The following RYR2 variants were observed in gnomAD, a reference collection of about 807,000 sequenced individuals.
The protein encoded by RYR2 is ryanodine receptor 2.
Under a neutral mutation model 601.1 loss-of-function variants are expected in RYR2, and 227 were observed. That is an observed-to-expected ratio of 0.38 (90% CI 0.34 to 0.42). The LOEUF is 0.42. RYR2 is among the 10% of genes least tolerant of loss of function. The pLI, the probability that RYR2 is intolerant of heterozygous loss-of-function variation, is 1.00. For missense variants in RYR2, 4,646 were observed against 6,156.5 expected, an observed-to-expected ratio of 0.75 and a Z score of 8.21; for synonymous variants, 2,223 against 2,175.1, an observed-to-expected ratio of 1.02 and a Z score of -0.61.
At chr1:237,405,577 CAG>C (rs1703783122) in intron 10 of RYR2, among the ~76,000 whole-genome samples, 1 of 152,110 alleles carries the variant, frequency 6.6e-6, no homozygotes, top group African/African-American at 2.4e-5. Context: ...TTAATTCCAT[CAG>C]AGATGTTTTC....
At chr1:237,657,154 C>T (rs1418007055) in intron 53 of RYR2, among the ~76,000 whole-genome samples, 1 of 152,160 alleles carries the variant, frequency 6.6e-6, no homozygotes, top group Non-Finnish European at 1.5e-5. Flanking sequence ...GTGGTGATAT[C>T]AGTGATTTCT....
intron 98 of RYR2, among the ~76,000 whole-genome samples, chr1:237,805,838 T>C (rs893163042): frequency 6.6e-6 from 1 of 152,126 alleles, no homozygotes; most frequent in Non-Finnish European, 1.5e-5. Context: ...CTATATATTA[T>C]TGTGACCTGC....
chr1:237,455,631 A>C (rs964554709), intron 15 of RYR2, among the ~76,000 whole-genome samples: 1 of 152,230 alleles, frequency 6.6e-6, no homozygotes, highest in African/African-American at 2.4e-5. Flanking sequence ...GGTTATTACT[A>C]GGTTCTCATA....
At chr1:237,216,605 T>G (rs1683180293) in intron 1 of RYR2, among the ~76,000 whole-genome samples, 1 of 151,256 alleles carries the variant, frequency 6.6e-6, no homozygotes, top group Admixed American at 6.6e-5. Flanking sequence ...CCGGGCATGG[T>G]GGGCACCTGT....
Position 237,773,147 on chromosome 1 carries a change from A to G in RYR2, c.11647-373A>G, listed in dbSNP as rs141384469. On this transcript the variant is annotated intron_variant, in intron 86 of 104. Coordinates refer to ENST00000366574, the MANE Select transcript of RYR2 (RefSeq NM_001035.3). ...ATGGAGGCCAGATGTCGGTACCCCA[A>G]AAAAGATTGTTCCATGATTCATCTA... Among the ~76,000 whole-genome samples the G allele has an allele frequency of 2.7e-3, 416 of 152,292 alleles. 2 individuals are homozygous for G. The highest frequency in any genetic ancestry group is 0.02 in the Middle Eastern group (6 of 294).
At chr1:237,589,722 T>C (rs1674936378) in intron 29 of RYR2, 71 bp from the exon 30 acceptor site, 1 of 1,455,420 alleles carries the variant, frequency 6.9e-7, no homozygotes. Context: ...TGGAACAATA[T>C]GTTTGATAAT....
rs762544429 is a variant in RYR2, at chr1:237,471,737, A to C, written c.1708+2550A>C. Among the ~76,000 whole-genome samples, 309 of 152,230 alleles carry C rather than the reference A, an allele frequency of 2.0e-3. 2 individuals are homozygous for C. The highest frequency in any genetic ancestry group is 3.3e-3 in the Non-Finnish European group (227 of 68,032). ...TTTTGTCAGTTACAGGCACAGTTTC[A>C]TCAGATACAAATTATTATTTGCTGT... On this transcript the variant is annotated intron_variant, in intron 17 of 104. Coordinates refer to ENST00000366574, the MANE Select transcript of RYR2 (RefSeq NM_001035.3).
chr1:237,137,252 G>T (rs143973249), intron 1 of RYR2, among the ~76,000 whole-genome samples: 22 of 152,264 alleles, frequency 1.4e-4, no homozygotes, highest in Non-Finnish European at 1.9e-4. Context: ...CTGGGTCAGT[G>T]ACAGTGGGGC....
At position 237,759,903 on chromosome 1, in the gene RYR2, C is replaced by T. The variant is rs1050182600; in HGVS notation, c.11402+51C>T. On this transcript the variant is annotated intron_variant, in intron 83 of 104. Transcript: ENST00000366574. ...GTTCTACTCAGTGGTTGTATTTTTTCGAAGCATTTGTTTCTTACTCTGACG... is the reference window on the plus strand; with the variant it reads ...GTTCTACTCAGTGGTTGTATTTTTTTGAAGCATTTGTTTCTTACTCTGACG... 16 of 1,185,864 alleles carry T rather than the reference C, an allele frequency of 1.3e-5. No individual in the cohort carries two copies. In the East Asian group the frequency reaches 1.6e-4, roughly 12 times the overall value. 73.5% of individuals were successfully genotyped at this position (1,185,864 alleles called of 1,614,324 possible).
intron 20 of RYR2, among the ~76,000 whole-genome samples, chr1:237,498,443 T>A (rs1418369240): frequency 1.3e-5 from 2 of 152,124 alleles, no homozygotes; most frequent in Non-Finnish European, 2.9e-5. Flanking sequence ...TTATAAAACA[T>A]TTGAACTATA....
chr1:237,795,517 T>C (rs1659002953), intron 96 of RYR2, among the ~76,000 whole-genome samples, 186 bp downstream of exon 96: 1 of 152,054 alleles, frequency 6.6e-6, no homozygotes, highest in Admixed American at 6.6e-5. Flanking sequence ...AGTAGCGCGA[T>C]CTCAGCTCAC....
intron 23 of RYR2, among the ~76,000 whole-genome samples, chr1:237,508,453 T>G (rs1320055955): frequency 7.5e-6 from 1 of 132,834 alleles, no homozygotes; most frequent in Non-Finnish European, 1.7e-5. Flanking sequence ...TTTAAAAAGT[T>G]CCCATTAAAA....
intron 16 of RYR2, among the ~76,000 whole-genome samples, chr1:237,458,043 A>G (rs973817601): frequency 3.3e-5 from 5 of 152,116 alleles, no homozygotes; most frequent in Admixed American, 3.3e-4. Context: ...TGAACTTTCC[A>G]TACACATCAC....
intron 1 of RYR2, among the ~76,000 whole-genome samples, chr1:237,208,948 A>ATGTG (rs60860953): frequency 0.26 from 24,781 of 94,160 alleles, 3,432 homozygotes; most frequent in East Asian, 0.43. Flanking sequence ...ATATATATAT[A>ATGTG]TATATATATA....
At chr1:237,801,654 C>T (rs1305444914) in intron 97 of RYR2, among the ~76,000 whole-genome samples, 2 of 152,012 alleles carry the variant, frequency 1.3e-5, no homozygotes, top group African/African-American at 4.8e-5. Flanking sequence ...TTCCAAGATC[C>T]TCTAAGAACA....
rs565022633 is a variant in RYR2 at position 237,412,010 on chromosome 1, T to A, written c.774-5039T>A. Among the ~76,000 whole-genome samples the A allele has an allele frequency of 7.9e-5, 12 of 152,260 alleles. No homozygotes were observed. The South Asian group carries it at 1.9e-3, about 24-fold the overall frequency. ...CCTATAAAATTTTATTGTAAATATA[T>A]GCCCAACTGTCAAGCTATGAAGAAC... On this transcript the variant is annotated intron_variant, in intron 10 of 104. Transcript: ENST00000366574.
intron 1 of RYR2, among the ~76,000 whole-genome samples, chr1:237,194,417 C>G (rs1001475491): frequency 6.6e-6 from 1 of 152,192 alleles, no homozygotes; most frequent in African/African-American, 2.4e-5. Context: ...AGTGCAGCCT[C>G]TGAGATTCCC....
At chr1:237,237,909 C>T (rs967698686) in intron 1 of RYR2, among the ~76,000 whole-genome samples, 2 of 149,392 alleles carry the variant, frequency 1.3e-5, no homozygotes, top group Non-Finnish European at 3.0e-5. Context: ...TTTCCTTTTT[C>T]CTTTCCTTTT....
intron 2 of RYR2, among the ~76,000 whole-genome samples, chr1:237,328,570 G>GC (rs2149556153): frequency 6.6e-6 from 1 of 151,808 alleles, no homozygotes; most frequent in South Asian, 2.1e-4. Flanking sequence ...CATGATAGGA[G>GC]GATGGCAGAA....
Sources: allele counts gnomAD v4.1 joint callset (sites outside exome capture counted in the v4.1 genomes callset), GRCh38; gene constraint gnomAD v4.1.1; transcripts MANE v1.5; gene names NCBI Gene and HGNC (gene_info 2026-07-23, HGNC 2026-07-21).